The following SNAP91 variants were observed in gnomAD, a reference collection of about 807,000 sequenced individuals.
SNAP91 encodes synaptosome associated protein 91, also known as clathrin coat assembly protein AP180.
SNAP91 carries 27 observed loss-of-function variants against 100.3 expected under a neutral mutation model. The ratio of observed to expected loss-of-function variants is 0.27; its 90% CI spans 0.20 to 0.37. The LOEUF (loss-of-function observed/expected upper bound fraction) is 0.37. SNAP91 is among the 10% of genes least tolerant of loss of function. The probability of loss-of-function intolerance (pLI) is 1.00; values close to 1 mark genes in which losing one functional copy is unlikely to be tolerated. For synonymous variants in SNAP91, 404 were observed against 398.6 expected (o/e 1.01, Z -0.16); for missense variants, 986 against 1,123.7 (o/e 0.88, Z 1.75).
chr6:83,612,181 A>C (rs947902408), intron 11 of SNAP91, among the ~76,000 whole-genome samples: 6 of 152,298 alleles, frequency 3.9e-5, no homozygotes, highest in African/African-American at 1.4e-4. Flanking sequence ...GGTTACATGT[A>C]GTTTGGCTAA....
chr6:83,668,333 T>C (rs1336580825), intron 2 of SNAP91, among the ~76,000 whole-genome samples: 2 of 152,198 alleles, frequency 1.3e-5, no homozygotes, highest in East Asian at 1.9e-4. Flanking sequence ...TTACTGGGTA[T>C]ATACCCAAAG....
chr6:83,616,540 T>C (rs1289678908), intron 10 of SNAP91, among the ~76,000 whole-genome samples: 3 of 151,982 alleles, frequency 2.0e-5, no homozygotes, highest in Non-Finnish European at 4.4e-5. Flanking sequence ...GATACTGGAG[T>C]CCAAAAAACT....
intron 2 of SNAP91, among the ~76,000 whole-genome samples, chr6:83,699,161 A>C (rs2099260409): frequency 6.6e-6 from 1 of 152,300 alleles, no homozygotes; most frequent in African/African-American, 2.4e-5. Context: ...GTACTAGCCA[A>C]CATGACCTCA....
At chr6:83,665,705 T>C in intron 2 of SNAP91, 124 bp from the exon 3 acceptor site, 1 of 737,826 alleles carries the variant, frequency 1.4e-6, no homozygotes, top group Non-Finnish European at 2.1e-6. Flanking sequence ...TAATAGCTGA[T>C]AACAAAATTT....
intron 13 of SNAP91, 120 bp from the exon 14 acceptor site, chr6:83,605,923 T>G (rs2095580979): frequency 5.6e-6 from 5 of 897,046 alleles, no homozygotes; most frequent in South Asian, 3.7e-5. Context: ...AATAAAAGAA[T>G]AATACTTTGG....
At chr6:83,692,950 T>C (rs2099150209) in intron 2 of SNAP91, among the ~76,000 whole-genome samples, 1 of 152,198 alleles carries the variant, frequency 6.6e-6, no homozygotes, top group Admixed American at 6.5e-5. Context: ...GTTTTTGTTT[T>C]TTGTTTTTGA....
rs1455766557 is a variant in SNAP91, at chr6:83,553,685, G to A, written c.*611C>T. 1 of 151,946 alleles carries A rather than the reference G, an allele frequency of 6.6e-6. No homozygotes were observed. The highest frequency in any genetic ancestry group is 2.4e-5 in the African/African-American group (1 of 41,394). The allele number at this position is 151,946 out of a possible 1,614,324, so 9.4% of individuals were successfully genotyped here. A position where few individuals can be genotyped will look rare whatever the true frequency, so the allele number is the denominator to read the frequency against. On this transcript the variant is annotated 3_prime_UTR_variant, in exon 30 of 30. Transcript: ENST00000369694. Reference sequence around the variant, plus strand: ...AGCTTCAAAGAGAAGTATTTATTATGGACGTTAACCTTTATATTTTTTAAA... The same window carrying A: ...AGCTTCAAAGAGAAGTATTTATTATAGACGTTAACCTTTATATTTTTTAAA...
intron 12 of SNAP91, among the ~76,000 whole-genome samples, chr6:83,609,817 G>A (rs1033748711): frequency 2.0e-5 from 3 of 152,100 alleles, no homozygotes; most frequent in African/African-American, 7.2e-5. Flanking sequence ...TTTGAAACAT[G>A]CACAATATCA....
chr6:83,707,815 T>C lies in SNAP91; in HGVS notation c.113A>G (p.Lys38Arg). 6.2e-7 allele frequency: 1 copy of C among 1,613,426 alleles called. No individual in the cohort carries two copies. Among genetic ancestry groups the C allele is most frequent in the Non-Finnish European group, 8.5e-7 (1 of 1,179,678 alleles). The change falls in exon 2 of 30, where the codon AAG becomes AGG. Residue 38 changes from lysine to arginine, a missense_variant. Transcript: ENST00000369694. ...KATTHEVMGP[K>R]KKHLDYLIQA... Reference sequence around the variant, plus strand: ...ATGCTTACAGTCCAGGTGCTTTTTCTTGGGGCCCATTACTTCATGAGTAGT... The same window carrying C: ...ATGCTTACAGTCCAGGTGCTTTTTCCTGGGGCCCATTACTTCATGAGTAGT...
At chr6:83,707,681 A>T (rs2099398900) in intron 2 of SNAP91, 117 bp downstream of exon 2, 3 of 1,368,200 alleles carry the variant, frequency 2.2e-6, no homozygotes, top group Non-Finnish European at 3.0e-6. Context: ...GCTCAGGGGC[A>T]ACCTGGCTGG....
chr6:83,634,286 T>G (rs908067025), intron 8 of SNAP91, among the ~76,000 whole-genome samples: 1 of 152,084 alleles, frequency 6.6e-6, no homozygotes, highest in Non-Finnish European at 1.5e-5. Context: ...TCCCTGTATT[T>G]TGCTTGGCTC....
intron 2 of SNAP91, among the ~76,000 whole-genome samples, chr6:83,704,591 G>A (rs546629018): frequency 1.3e-5 from 2 of 151,170 alleles, no homozygotes; most frequent in South Asian, 4.2e-4. Context: ...AATTTTCTTG[G>A]CCTATCAACC....
chr6:83,641,177 T>A lies in SNAP91; in HGVS notation c.684A>T (p.Gly228=). The change falls in exon 8 of 30, where the codon GGA becomes GGT. Residue 228 remains glycine (G), a synonymous_variant. Transcript: ENST00000369694. The part of the protein sequence containing the change: ...LLEKFFEMKK[G]QCKDALEIYK... ...AAATTTCTAGAGCATCTTTACATTG[T>A]CCTTTCTTCATTTCAAAAAACTTTT... The A allele has an allele frequency of 6.7e-7, 1 of 1,498,086 alleles. No homozygotes were observed. The highest frequency in any genetic ancestry group is 8.9e-7 in the Non-Finnish European group (1 of 1,123,684). 92.8% of individuals were successfully genotyped at this position (1,498,086 alleles called of 1,614,324 possible). A position where few individuals can be genotyped will look rare whatever the true frequency, so the allele number is the denominator to read the frequency against.
rs1261972567 is a variant in SNAP91 at position 83,593,748 on chromosome 6, G to A, written c.1433-7C>T. 5.8e-6 allele frequency: 9 copies of A among 1,550,876 alleles called. No individual in the cohort carries two copies. Among genetic ancestry groups the A allele is most frequent in the Non-Finnish European group, 7.0e-6 (8 of 1,147,506 alleles). Reference sequence around the variant, plus strand: ...TCAGACGGGGCAAAGGGGTCTTTTGGAAAGGAAAGTGGAGACACACACAGC... The same window carrying A: ...TCAGACGGGGCAAAGGGGTCTTTTGAAAAGGAAAGTGGAGACACACACAGC... On this transcript the variant is annotated splice_region_variant and splice_polypyrimidine_tract_variant and intron_variant, in intron 17 of 29. Transcript: ENST00000369694.
intron 2 of SNAP91, among the ~76,000 whole-genome samples, chr6:83,703,376 T>C (rs2099344255): frequency 6.6e-6 from 1 of 152,110 alleles, no homozygotes; most frequent in Admixed American, 6.5e-5. Context: ...AATATAAATA[T>C]ATGGTGTCTA....
chr6:83,660,426 T>A, intron 5 of SNAP91, among the ~76,000 whole-genome samples: 1 of 152,178 alleles, frequency 6.6e-6, no homozygotes, highest in Non-Finnish European at 1.5e-5. Context: ...ATTGCAAAAA[T>A]AAAGTTACAT....
intron 11 of SNAP91, among the ~76,000 whole-genome samples, chr6:83,612,578 TA>T (rs1371799240): frequency 5.9e-5 from 9 of 151,866 alleles, no homozygotes; most frequent in African/African-American, 1.7e-4. Flanking sequence ...TAAATACTAA[TA>T]AAGAAAAGAG....
At chr6:83,620,704 G>C (rs1213525630) in intron 9 of SNAP91, among the ~76,000 whole-genome samples, 1 of 150,358 alleles carries the variant, frequency 6.7e-6, no homozygotes, top group Non-Finnish European at 1.5e-5. Context: ...TCTATGAACA[G>C]GTTTTTTTTT....
chr6:83,629,188 T>G (rs1355018964), intron 8 of SNAP91, among the ~76,000 whole-genome samples: 1 of 152,184 alleles, frequency 6.6e-6, no homozygotes, highest in Non-Finnish European at 1.5e-5. Context: ...TTGGGTTTAC[T>G]TCTGGGTTAT....
Sources: allele counts gnomAD v4.1 joint callset (sites outside exome capture counted in the v4.1 genomes callset), GRCh38; gene constraint gnomAD v4.1.1; transcripts MANE v1.5; gene names NCBI Gene and HGNC (gene_info 2026-07-23, HGNC 2026-07-21).